The following VNN1 variants were observed in gnomAD, a reference collection of about 807,000 sequenced individuals.
VNN1 encodes vanin 1, also known as pantetheinase.
A neutral mutation model predicts 41.9 loss-of-function variants in VNN1; 29 were observed. The ratio of observed to expected loss-of-function variants is 0.69; its 90% confidence interval spans 0.52 to 0.94. VNN1 has a LOEUF of 0.94. VNN1 is among the 40% of genes least tolerant of loss of function. The pLI is 0.00. For missense variants in VNN1, 637 were observed against 621.1 expected (o/e 1.03, Z -0.27); for synonymous variants, 233 against 224.4 (o/e 1.04, Z -0.34).
intron 2 of VNN1, among the ~76,000 whole-genome samples, chr6:132,707,392 C>G (rs1266948334): frequency 1.3e-5 from 2 of 152,032 alleles, no homozygotes; most frequent in African/African-American, 4.8e-5. Context: ...GAAGGTTTCT[C>G]AAAAAACTAA....
intron 2 of VNN1, among the ~76,000 whole-genome samples, chr6:132,703,633 G>A (rs955445981): frequency 1.2e-4 from 18 of 151,944 alleles, no homozygotes; most frequent in African/African-American, 4.3e-4. Context: ...AAGACAGGAA[G>A]AAAGGAAGAC....
intron 2 of VNN1, 116 bp from the exon 3 acceptor site, chr6:132,694,298 A>C (rs1778335987): frequency 9.7e-7 from 1 of 1,030,676 alleles, no homozygotes; most frequent in Non-Finnish European, 1.3e-6. Flanking sequence ...GTAAATTCTA[A>C]ATAACAATAA....
At chr6:132,706,546 G>A (rs1778521791) in intron 2 of VNN1, among the ~76,000 whole-genome samples, 1 of 152,122 alleles carries the variant, frequency 6.6e-6, no homozygotes. Flanking sequence ...CTCAAACTAT[G>A]AAACTACTAA....
At chr6:132,696,870 G>A (rs1439852086) in intron 2 of VNN1, among the ~76,000 whole-genome samples, 1 of 152,000 alleles carries the variant, frequency 6.6e-6, no homozygotes, top group African/African-American at 2.4e-5. Flanking sequence ...TTGCAAGACT[G>A]AGGCCAGTGG....
At position 132,713,925 on chromosome 6, in the gene VNN1, G is replaced by T; in HGVS notation, c.111C>A (p.Pro37=). The change falls in exon 1 of 7, where the codon CCC becomes CCA. Residue 37 remains proline (P), a synonymous_variant. Coordinates refer to ENST00000367928, the MANE Select transcript of VNN1 (RefSeq NM_004666.3). ...AAVYEHAAIL[P]NATLTPVSRE... ...GAGACACTGGTGTTAGGGTGGCATT[G>T]GGCAATATCGCTGCATGCTCATAAA... The T allele has an allele frequency of 6.2e-7, 1 of 1,614,100 alleles. No individual in the cohort carries two copies. Among genetic ancestry groups the T allele is most frequent in the Non-Finnish European group, 8.5e-7 (1 of 1,180,016 alleles).
Position 132,692,324 on chromosome 6 carries a change from A to C in VNN1, c.1087T>G (p.Cys363Gly). 6.2e-7 allele frequency: 1 copy of C among 1,614,234 alleles called. No individual in the cohort carries two copies. Among genetic ancestry groups the C allele is most frequent in the Non-Finnish European group, 8.5e-7 (1 of 1,180,032 alleles). The change falls in exon 5 of 7, where the codon TGT becomes GGT. Residue 363 changes from cysteine (C) to glycine (G), a missense_variant. Coordinates refer to ENST00000367928, the MANE Select transcript of VNN1 (RefSeq NM_004666.3). ...NYTVCQKDLC[C>G]HLSYKMSENI... ...TCAGACATTTTGTAGCTTAAATGACAGCAGAGATCTTTCTGACAAACTGTA... is the reference window on the plus strand; with the variant it reads ...TCAGACATTTTGTAGCTTAAATGACCGCAGAGATCTTTCTGACAAACTGTA...
chr6:132,711,127 C>T (rs1158997000), intron 2 of VNN1, among the ~76,000 whole-genome samples: 3 of 152,156 alleles, frequency 2.0e-5, no homozygotes, highest in Non-Finnish European at 4.4e-5. Context: ...TAATTTTAGC[C>T]ATGTGTATTC....
At chr6:132,705,378 C>T (rs911691312) in intron 2 of VNN1, among the ~76,000 whole-genome samples, 2 of 152,162 alleles carry the variant, frequency 1.3e-5, no homozygotes, top group African/African-American at 4.8e-5. Context: ...ATGCACAAAT[C>T]AATTGATGTG....
intron 5 of VNN1, among the ~76,000 whole-genome samples, chr6:132,686,155 T>A (rs541778170): frequency 3.3e-5 from 5 of 152,264 alleles, no homozygotes; most frequent in East Asian, 1.9e-4. Context: ...TTAAAAAAAA[T>A]GTTTATCTGG....
chr6:132,687,950 T>C (rs73559733), intron 5 of VNN1, among the ~76,000 whole-genome samples: 4,240 of 152,316 alleles, frequency 0.028, 195 homozygotes, highest in African/African-American at 0.097. Flanking sequence ...TATGCATATT[T>C]GCTATAAAAT....
At chr6:132,703,715 T>G (rs1202539662) in intron 2 of VNN1, among the ~76,000 whole-genome samples, 1 of 151,556 alleles carries the variant, frequency 6.6e-6, no homozygotes, top group African/African-American at 2.4e-5. Context: ...AATAAAACAT[T>G]GAATGTAAAT....
At chr6:132,713,006 G>A (rs928678095) in intron 1 of VNN1, among the ~76,000 whole-genome samples, 1 of 152,082 alleles carries the variant, frequency 6.6e-6, no homozygotes, top group Non-Finnish European at 1.5e-5. Context: ...ACGGTGGCAT[G>A]CATCTGTGGT....
At chr6:132,704,481 TAAG>T (rs1778490702) in intron 2 of VNN1, among the ~76,000 whole-genome samples, 1 of 152,006 alleles carries the variant, frequency 6.6e-6, no homozygotes, top group Non-Finnish European at 1.5e-5. Context: ...ATGAAGAAAT[TAAG>T]AAGAAATTTA....
chr6:132,696,624 A>G (rs888392341), intron 2 of VNN1, among the ~76,000 whole-genome samples: 13 of 152,278 alleles, frequency 8.5e-5, no homozygotes, highest in African/African-American at 2.4e-4. Context: ...TTTCTCATCA[A>G]TAACTTTGGA....
At chr6:132,691,143 G>C (rs138338800) in intron 5 of VNN1, among the ~76,000 whole-genome samples, 1 of 152,164 alleles carries the variant, frequency 6.6e-6, no homozygotes, top group Non-Finnish European at 1.5e-5. Context: ...AGAATAGGAA[G>C]GGACCACACA....
chr6:132,697,443 G>T (rs1269581943), intron 2 of VNN1, among the ~76,000 whole-genome samples: 1 of 152,084 alleles, frequency 6.6e-6, no homozygotes, highest in Non-Finnish European at 1.5e-5. Context: ...GGAAATCCTG[G>T]AGCATTTGTT....
intron 4 of VNN1, 40 bp downstream of exon 4, chr6:132,692,984 T>C: frequency 6.5e-7 from 1 of 1,533,294 alleles, no homozygotes. Flanking sequence ...TTTTCTTTTC[T>C]GATTACATCA....
At chr6:132,709,683 A>C (rs1278638026) in intron 2 of VNN1, among the ~76,000 whole-genome samples, 1 of 151,182 alleles carries the variant, frequency 6.6e-6, no homozygotes, top group Non-Finnish European at 1.5e-5. Context: ...AAAGAGAGAG[A>C]GAGACAGAGA....
chr6:132,682,838 T>A lies in VNN1; in HGVS notation c.*302A>T, dbSNP rs1778145826. ...GCCTCCTTGTAAGTAAATTTTATGA[T>A]AGTTCTTATGTTTTCTACCCGTAGT... On this transcript the variant is annotated 3_prime_UTR_variant, in exon 7 of 7. Transcript: ENST00000367928. 1 of 180,692 alleles carries A rather than the reference T, an allele frequency of 5.5e-6. No homozygotes were observed. The highest frequency in any genetic ancestry group is 1.4e-4 in the East Asian group (1 of 7,006). The allele number at this position is 180,692 out of a possible 1,614,324, so 11.2% of individuals were successfully genotyped here.
Sources: allele counts gnomAD v4.1 joint callset (sites outside exome capture counted in the v4.1 genomes callset), GRCh38; gene constraint gnomAD v4.1.1; transcripts MANE v1.5; gene names NCBI Gene and HGNC (gene_info 2026-07-23, HGNC 2026-07-21).